Variants in CEP85L observed in about 807,000 individuals in gnomAD.
CEP85L encodes centrosomal protein of 85 kDa-like.
CEP85L carries 60 observed loss-of-function variants against 100.3 expected under a neutral mutation model. That is an observed-to-expected ratio of 0.60 (90% CI 0.49 to 0.74). The LOEUF is 0.74. CEP85L is among the 30% of genes least tolerant of loss of function. The probability of loss-of-function intolerance (pLI) is 0.00; values close to 1 mark genes in which losing one functional copy is unlikely to be tolerated. For missense variants in CEP85L, 973 were observed against 936.2 expected, an observed-to-expected ratio of 1.04 and a Z score of -0.51; for synonymous variants, 319 against 322.7, an observed-to-expected ratio of 0.99 and a Z score of 0.12.
At chr6:118,539,489 T>G (rs368278342) in intron 3 of CEP85L, among the ~76,000 whole-genome samples, 19 of 152,330 alleles carry the variant, frequency 1.2e-4, no homozygotes, top group African/African-American at 4.6e-4. Context: ...TTCCTGTCAT[T>G]AAGTGACAAA....
At chr6:118,489,980 T>C (rs796305957) in intron 6 of CEP85L, among the ~76,000 whole-genome samples, 7 of 150,938 alleles carry the variant, frequency 4.6e-5, no homozygotes, top group African/African-American at 1.7e-4. Flanking sequence ...TGTGTGTATA[T>C]ATATACACAC....
chr6:118,597,282 T>C (rs765323642), intron 2 of CEP85L, among the ~76,000 whole-genome samples: 31 of 152,218 alleles, frequency 2.0e-4, no homozygotes, highest in Non-Finnish European at 3.4e-4. Flanking sequence ...CTATGTAGAA[T>C]AGCTTCTAAA....
intron 5 of CEP85L, among the ~76,000 whole-genome samples, chr6:118,495,952 G>A (rs973061858): frequency 6.6e-6 from 1 of 152,218 alleles, no homozygotes; most frequent in Non-Finnish European, 1.5e-5. Flanking sequence ...AAGAGGATAT[G>A]TCATACGCAC....
chr6:118,705,367 G>A, intron 1 of CEP85L, among the ~76,000 whole-genome samples: 1 of 152,264 alleles, frequency 6.6e-6, no homozygotes, highest in East Asian at 1.9e-4. Context: ...TTTGGGCTTG[G>A]ACAATTTGCA....
At chr6:118,536,291 G>A (rs1205634864) in intron 3 of CEP85L, among the ~76,000 whole-genome samples, 5 of 152,106 alleles carry the variant, frequency 3.3e-5, no homozygotes, top group African/African-American at 9.7e-5. Flanking sequence ...GAGATGGGTA[G>A]GATATAAGGT....
At chr6:118,487,042 C>G (rs767101168) in intron 6 of CEP85L, among the ~76,000 whole-genome samples, 19 of 151,554 alleles carry the variant, frequency 1.3e-4, no homozygotes, top group Admixed American at 2.6e-4. Flanking sequence ...AATGATTATA[C>G]AAATTGGGTT....
rs1043204801 is a variant in CEP85L at position 118,472,557 on chromosome 6, C to A, written c.1915-1913G>T. On this transcript the variant is annotated intron_variant, in intron 10 of 12. Transcript: ENST00000368491. ...GTATTAAGATATGTTTAAAAGATAA[C>A]AAGAAAAATTCTATCAAGAATACTG... is the stretch of plus-strand genomic sequence containing the variant. 3.3e-5 allele frequency among the ~76,000 whole-genome samples: 5 copies of A among 152,080 alleles called. No homozygotes were observed. In the South Asian group the frequency reaches 1.0e-3, roughly 31 times the overall value.
chr6:118,621,977 C>G (rs1773472926), intron 2 of CEP85L, among the ~76,000 whole-genome samples: 1 of 152,156 alleles, frequency 6.6e-6, no homozygotes, highest in Non-Finnish European at 1.5e-5. Context: ...TGCTCCAGCC[C>G]TAAGCCTTCC....
intron 3 of CEP85L, among the ~76,000 whole-genome samples, chr6:118,540,004 T>C (rs1456045273): frequency 2.0e-5 from 3 of 152,108 alleles, no homozygotes; most frequent in East Asian, 3.9e-4. Flanking sequence ...GCTCCCTGTA[T>C]ATGTATAGGT....
intron 4 of CEP85L, among the ~76,000 whole-genome samples, chr6:118,518,584 T>A (rs1776424625): frequency 6.6e-6 from 1 of 152,228 alleles, no homozygotes; most frequent in Non-Finnish European, 1.5e-5. Flanking sequence ...ATATCCCCTT[T>A]ATCATTTTTT....
At chr6:118,628,637 AAAACAAACAAACAAAC>A (rs138925552) in intron 2 of CEP85L, among the ~76,000 whole-genome samples, 24 of 150,462 alleles carry the variant, frequency 1.6e-4, no homozygotes, top group East Asian at 9.7e-4. Context: ...TCCATCCAAA[AAAACAAACAAACAAAC>A]AAACAAACAA....
At chr6:118,521,222 T>G (rs747916990) in intron 4 of CEP85L, among the ~76,000 whole-genome samples, 5 of 152,168 alleles carry the variant, frequency 3.3e-5, no homozygotes, top group Non-Finnish European at 7.3e-5. Context: ...CCTCTACATG[T>G]GCCATCAACA....
At chr6:118,532,506 C>T (rs769729279) in intron 3 of CEP85L, among the ~76,000 whole-genome samples, 5 of 151,924 alleles carry the variant, frequency 3.3e-5, no homozygotes, top group Non-Finnish European at 7.4e-5. Flanking sequence ...ACCCCTGAAC[C>T]CCAAATAAAG....
At chr6:118,518,627 C>T (rs1242532011) in intron 4 of CEP85L, among the ~76,000 whole-genome samples, 1 of 152,058 alleles carries the variant, frequency 6.6e-6, no homozygotes, top group African/African-American at 2.4e-5. Context: ...CTCTTTTCTT[C>T]TTTATTAGTC....
intron 1 of CEP85L, among the ~76,000 whole-genome samples, chr6:118,677,917 A>G (rs541165029): frequency 5.3e-5 from 8 of 152,348 alleles, no homozygotes; most frequent in South Asian, 2.1e-4. Flanking sequence ...TTGGACTACC[A>G]TAACATCCTC....
chr6:118,523,180 C>T (rs935825513), intron 4 of CEP85L, among the ~76,000 whole-genome samples: 14 of 152,102 alleles, frequency 9.2e-5, no homozygotes, highest in Admixed American at 6.6e-4. Flanking sequence ...CAAAAGCATA[C>T]ATAAATGATG....
At chr6:118,607,563 T>C (rs1229421840) in intron 2 of CEP85L, among the ~76,000 whole-genome samples, 2 of 152,084 alleles carry the variant, frequency 1.3e-5, no homozygotes, top group Non-Finnish European at 2.9e-5. Flanking sequence ...GCAGTTAACA[T>C]CCAATAGTGA....
chr6:118,702,256 A>G (rs1369618714), intron 1 of CEP85L, among the ~76,000 whole-genome samples: 1 of 152,174 alleles, frequency 6.6e-6, no homozygotes, highest in Non-Finnish European at 1.5e-5. Flanking sequence ...CACGCCTATA[A>G]TCCCAGCACT....
chr6:118,631,136 G>C (rs1774119355), intron 2 of CEP85L, among the ~76,000 whole-genome samples: 1 of 152,118 alleles, frequency 6.6e-6, no homozygotes, highest in South Asian at 2.1e-4. Context: ...AGGAGATAAT[G>C]ACATTGGAGG....
Sources: allele counts gnomAD v4.1 joint callset (sites outside exome capture counted in the v4.1 genomes callset), GRCh38; gene constraint gnomAD v4.1.1; transcripts MANE v1.5; gene names NCBI Gene and HGNC (gene_info 2026-07-23, HGNC 2026-07-21).